The following GCNT1 variants were observed in gnomAD, a reference collection of about 807,000 sequenced individuals.
The protein encoded by GCNT1 is beta-1,3-galactosyl-O-glycosyl-glycoprotein beta-1,6-N-acetylglucosaminyltransferase.
In GCNT1, 16 loss-of-function variants were observed where a neutral mutation model predicts 26.2. That is an observed-to-expected ratio of 0.61 (90% CI 0.41 to 0.93). GCNT1 has a LOEUF of 0.93. Ranked by LOEUF, GCNT1 falls within the 40% of genes least tolerant of loss-of-function variation. The probability of loss-of-function intolerance (pLI) is 0.00; values close to 1 mark genes in which losing one functional copy is unlikely to be tolerated. For missense variants in GCNT1, 477 were observed against 526.7 expected (o/e 0.91, Z 0.92); for synonymous variants, 183 against 190.8 (o/e 0.96, Z 0.34).
upstream of GCNT1, among the ~76,000 whole-genome samples, chr9:76,458,328 G>A (rs1271789844): frequency 1.3e-5 from 2 of 151,632 alleles, no homozygotes; most frequent in Admixed American, 6.6e-5. Context: ...GACTACAGGC[G>A]CCCGCCACCA....
chr9:76,450,989 A>G (rs73650222), intron 1 of GCNT1, among the ~76,000 whole-genome samples: 2,582 of 152,330 alleles, frequency 0.017, 83 homozygotes, highest in African/African-American at 0.059. Flanking sequence ...ACTTACATGT[A>G]TGGGTTTTAG....
At chr9:76,404,419 G>A in the GCNT1 span, among the ~76,000 whole-genome samples, 1 of 151,984 alleles carries the variant, frequency 6.6e-6, no homozygotes, top group Non-Finnish European at 1.5e-5. Context: ...GGTATAGATT[G>A]GAAAATTATT....
Position 76,505,076 on chromosome 9 carries a change from T to A in GCNT1, c.*1408T>A. On this transcript the variant is annotated 3_prime_UTR_variant, in exon 4 of 4. Coordinates refer to ENST00000376730, the MANE Select transcript of GCNT1 (RefSeq NM_001490.5). ...CGTACTTTTGCCATGTTGATACTGTTCAGCAAACAAGCTACCAGGAACTGT... is the reference window on the plus strand; with the variant it reads ...CGTACTTTTGCCATGTTGATACTGTACAGCAAACAAGCTACCAGGAACTGT... 2.4e-6 allele frequency: 1 copy of A among 412,340 alleles called. No individual in the cohort carries two copies. Among genetic ancestry groups the A allele is most frequent in the Non-Finnish European group, 4.4e-6 (1 of 225,942 alleles). 25.5% of individuals were successfully genotyped at this position (412,340 alleles called of 1,614,324 possible). A position where few individuals can be genotyped will look rare whatever the true frequency, so the allele number is the denominator to read the frequency against.
chr9:76,497,998 A>T (rs956594508), intron 2 of GCNT1, among the ~76,000 whole-genome samples: 3 of 152,110 alleles, frequency 2.0e-5, no homozygotes, highest in Non-Finnish European at 4.4e-5. Flanking sequence ...CCATTCCCCC[A>T]TGTCCCCAGC....
intron 1 of GCNT1, among the ~76,000 whole-genome samples, chr9:76,424,487 G>A (rs934231766): frequency 5.3e-5 from 8 of 152,314 alleles, no homozygotes; most frequent in Admixed American, 1.3e-4. Context: ...ATGGATAATA[G>A]CACAGCAATT....
the GCNT1 span, among the ~76,000 whole-genome samples, chr9:76,414,839 A>AGTAG: frequency 6.6e-6 from 1 of 152,128 alleles, no homozygotes; most frequent in Non-Finnish European, 1.5e-5. Context: ...CTGTTTCATC[A>AGTAG]GTAGGGTCTT....
chr9:76,462,475 G>T (rs1564232148), intron 2 of GCNT1, among the ~76,000 whole-genome samples: 1 of 152,162 alleles, frequency 6.6e-6, no homozygotes. Context: ...CCTGTGCATT[G>T]CAGGATGTTT....
chr9:76,492,266 A>G (rs1312722332), intron 2 of GCNT1, among the ~76,000 whole-genome samples: 1 of 152,162 alleles, frequency 6.6e-6, no homozygotes, highest in Non-Finnish European at 1.5e-5. Flanking sequence ...CCCCATATTC[A>G]TGTAGATAAT....
intron 2 of GCNT1, among the ~76,000 whole-genome samples, chr9:76,481,708 G>A (rs1029339565): frequency 2.6e-5 from 4 of 152,110 alleles, no homozygotes; most frequent in Admixed American, 6.5e-5. Flanking sequence ...CAAGAACTAC[G>A]AAGGGTCTGA....
intron 1 of GCNT1, among the ~76,000 whole-genome samples, chr9:76,421,541 G>A (rs1345543605): frequency 7.0e-5 from 10 of 143,234 alleles, no homozygotes; most frequent in African/African-American, 2.6e-4. Context: ...GAGGGAGGCT[G>A]AGTGAGCCGA....
At chr9:76,433,928 G>C (rs1823370834) in intron 1 of GCNT1, among the ~76,000 whole-genome samples, 1 of 152,174 alleles carries the variant, frequency 6.6e-6, no homozygotes, top group African/African-American at 2.4e-5. Context: ...GTGCCACTGA[G>C]CTGATGCCTG....
chr9:76,402,580 T>C, the GCNT1 span, among the ~76,000 whole-genome samples: 1 of 152,170 alleles, frequency 6.6e-6, no homozygotes, highest in Non-Finnish European at 1.5e-5. Context: ...CGTTTGACAA[T>C]GGACCTAAGA....
chr9:76,492,725 T>C (rs995208495), intron 2 of GCNT1, among the ~76,000 whole-genome samples: 1 of 151,660 alleles, frequency 6.6e-6, no homozygotes, highest in Non-Finnish European at 1.5e-5. Flanking sequence ...TTAAAGTATT[T>C]CTGCAAACCA....
At chr9:76,394,016 C>T in the GCNT1 span, 1 of 1,438,516 alleles carries the variant, frequency 7.0e-7, no homozygotes, top group Non-Finnish European at 9.4e-7. Context: ...GCCCCGGTCC[C>T]AAGTCCCCGG....
chr9:76,400,745 G>T, the GCNT1 span, among the ~76,000 whole-genome samples: 2 of 152,218 alleles, frequency 1.3e-5, no homozygotes, highest in South Asian at 4.1e-4. Context: ...GCTTGACAAT[G>T]CCTTCCAGAG....
chr9:76,408,986 G>A, the GCNT1 span, among the ~76,000 whole-genome samples: 1 of 152,136 alleles, frequency 6.6e-6, no homozygotes, highest in African/African-American at 2.4e-5. Context: ...ACCATGCCTG[G>A]CCTCTTTACT....
At chr9:76,411,529 A>G in the GCNT1 span, among the ~76,000 whole-genome samples, 8 of 150,338 alleles carry the variant, frequency 5.3e-5, no homozygotes, top group African/African-American at 1.5e-4. Flanking sequence ...GTATCTCACT[A>G]TGTTGCCCAG....
chr9:76,474,296 G>A (rs771030509), intron 2 of GCNT1, among the ~76,000 whole-genome samples: 2 of 151,974 alleles, frequency 1.3e-5, no homozygotes, highest in Non-Finnish European at 2.9e-5. Context: ...ATGTTACTGG[G>A]GACAGTATAA....
upstream of GCNT1, among the ~76,000 whole-genome samples, chr9:76,454,390 A>AG (rs1823718145): frequency 2.9e-5 from 4 of 140,348 alleles, no homozygotes; most frequent in Non-Finnish European, 4.5e-5. Flanking sequence ...AGAAAAGAAA[A>AG]AAAAAAAAAA....
Sources: gnomAD v4.1 joint callset for allele counts (sites outside exome capture counted in the v4.1 genomes callset) on GRCh38, gnomAD v4.1.1 for gene constraint, MANE v1.5 for transcripts, NCBI Gene and HGNC (gene_info 2026-07-23, HGNC 2026-07-21) for gene names.